MBNL2: variants seen among roughly 807,000 people sequenced by gnomAD.
MBNL2 encodes muscleblind like splicing regulator 2.
In MBNL2, 17 loss-of-function variants were observed where a neutral mutation model predicts 41.9. The ratio of observed to expected loss-of-function variants is 0.41; its 90% CI spans 0.28 to 0.61. MBNL2 has a LOEUF of 0.61. MBNL2 is among the 20% of genes least tolerant of loss of function. The pLI, the probability that MBNL2 is intolerant of heterozygous loss-of-function variation, is 0.35. For missense variants in MBNL2, 336 were observed against 505.6 expected, an observed-to-expected ratio of 0.66 and a Z score of 3.22; for synonymous variants, 195 against 182.9, an observed-to-expected ratio of 1.07 and a Z score of -0.53.
At chr13:97,271,066 A>G (rs907130468) in intron 1 of MBNL2, among the ~76,000 whole-genome samples, 2 of 151,416 alleles carry the variant, frequency 1.3e-5, no homozygotes, top group African/African-American at 4.9e-5. Flanking sequence ...TTTGCTGTAC[A>G]AGTGACTCTG....
intron 2 of MBNL2, among the ~76,000 whole-genome samples, chr13:97,291,572 C>G (rs2055984993): frequency 6.6e-6 from 1 of 152,110 alleles, no homozygotes; most frequent in South Asian, 2.1e-4. Flanking sequence ...ATCCCATCTC[C>G]ATTTGCTCTT....
upstream of MBNL2, among the ~76,000 whole-genome samples, chr13:97,221,013 A>G (rs1165153571): frequency 1.3e-5 from 2 of 152,254 alleles, no homozygotes; most frequent in Non-Finnish European, 2.9e-5. Context: ...CAAAGAATGT[A>G]AGTATAAAAA....
At chr13:97,267,491 G>C (rs2050053704) in intron 1 of MBNL2, among the ~76,000 whole-genome samples, 8 of 152,138 alleles carry the variant, frequency 5.3e-5, no homozygotes, top group Admixed American at 2.6e-4. Flanking sequence ...TTAAAGATGA[G>C]TCAAGCAGTG....
the MBNL2 span, among the ~76,000 whole-genome samples, chr13:97,150,785 A>G: frequency 2.6e-5 from 4 of 152,122 alleles, no homozygotes; most frequent in African/African-American, 9.7e-5. Flanking sequence ...AGTATTTGGG[A>G]TTACATCTGT....
At chr13:97,163,732 A>G in the MBNL2 span, among the ~76,000 whole-genome samples, 8 of 151,840 alleles carry the variant, frequency 5.3e-5, no homozygotes, top group Middle Eastern at 6.8e-3. Context: ...ACCTGCACAC[A>G]CTCTCAGCAA....
chr13:97,291,900 C>CAAAAAAAAAAAAAAAAAAAAA (rs763407208), intron 2 of MBNL2, among the ~76,000 whole-genome samples: 1 of 37,816 alleles, frequency 2.6e-5, no homozygotes, highest in African/African-American at 2.3e-4. Context: ...GTCTCCGTCT[C>CAAAAAAAAAAAAAAAAAAAAA]AAAAAAAAAA....
chr13:97,200,977 C>T, the MBNL2 span, among the ~76,000 whole-genome samples: 3 of 152,160 alleles, frequency 2.0e-5, no homozygotes, highest in African/African-American at 7.2e-5. Flanking sequence ...CATCAACTAT[C>T]TTTACCCTTT....
Position 97,389,228 on chromosome 13 carries a change from T to C in MBNL2, c.1049-2094T>C, listed in dbSNP as rs189788245. Among the ~76,000 whole-genome samples the C allele has an allele frequency of 1.7e-4, 26 of 152,308 alleles. No individual in the cohort carries two copies. In the East Asian group the frequency reaches 4.4e-3, roughly 26 times the overall value. ...TTATGTCTGTTCGTCAAATACAAGT[T>C]CAAAGCCTTGCCATAGGTAACTTCC... On this transcript the variant is annotated intron_variant, in intron 8 of 8. Coordinates refer to ENST00000679496, the MANE Select transcript of MBNL2 (RefSeq NM_001382683.1).
the MBNL2 span, among the ~76,000 whole-genome samples, chr13:97,171,907 GCT>G: frequency 6.6e-6 from 1 of 152,014 alleles, no homozygotes; most frequent in Non-Finnish European, 1.5e-5. Flanking sequence ...TTTTTGCTCG[GCT>G]CTCATTCTCT....
intron 8 of MBNL2, among the ~76,000 whole-genome samples, chr13:97,371,288 A>G (rs2064349275): frequency 6.6e-6 from 1 of 152,160 alleles, no homozygotes. Context: ...TTAAAATACA[A>G]TTTATACTCC....
the MBNL2 span, among the ~76,000 whole-genome samples, chr13:97,191,517 G>A: frequency 6.6e-6 from 1 of 151,758 alleles, no homozygotes; most frequent in Non-Finnish European, 1.5e-5. Context: ...AAAGTCCTGC[G>A]GCAGTTGTGT....
intron 1 of MBNL2, among the ~76,000 whole-genome samples, chr13:97,223,631 T>C (rs1205053963): frequency 6.6e-6 from 1 of 152,186 alleles, no homozygotes; most frequent in Non-Finnish European, 1.5e-5. Flanking sequence ...AAAGGTTAAG[T>C]GGAAAGCTAT....
intron 5 of MBNL2, among the ~76,000 whole-genome samples, chr13:97,355,055 A>G (rs1431664176): frequency 6.6e-6 from 1 of 152,236 alleles, no homozygotes; most frequent in African/African-American, 2.4e-5. Context: ...GATTCGAAAC[A>G]AAAATGGCAT....
At chr13:97,173,945 T>C in the MBNL2 span, among the ~76,000 whole-genome samples, 1 of 152,210 alleles carries the variant, frequency 6.6e-6, no homozygotes, top group Non-Finnish European at 1.5e-5. Context: ...TCATGTGCCG[T>C]AAAAATTTAT....
intron 2 of MBNL2, among the ~76,000 whole-genome samples, chr13:97,310,039 G>A (rs527479104): frequency 6.6e-6 from 1 of 152,342 alleles, no homozygotes; most frequent in African/African-American, 2.4e-5. Context: ...TGGAGGCCTA[G>A]GAGGGTGGTA....
intron 2 of MBNL2, among the ~76,000 whole-genome samples, chr13:97,287,564 G>C (rs1266901596): frequency 1.3e-5 from 2 of 151,970 alleles, no homozygotes; most frequent in Non-Finnish European, 2.9e-5. Context: ...TTATTGTTAA[G>C]TACAGTCATC....
intron 2 of MBNL2, among the ~76,000 whole-genome samples, chr13:97,313,889 G>A (rs1052873713): frequency 6.6e-6 from 1 of 152,200 alleles, no homozygotes; most frequent in Non-Finnish European, 1.5e-5. Flanking sequence ...ATCTGTATGA[G>A]ATCAGCAGTA....
At chr13:97,206,491 C>T in the MBNL2 span, among the ~76,000 whole-genome samples, 1 of 152,074 alleles carries the variant, frequency 6.6e-6, no homozygotes, top group Non-Finnish European at 1.5e-5. Flanking sequence ...GAGAAATAAG[C>T]TATGAATTGT....
At chr13:97,302,191 T>C (rs555232076) in intron 2 of MBNL2, among the ~76,000 whole-genome samples, 2 of 152,324 alleles carry the variant, frequency 1.3e-5, no homozygotes, top group South Asian at 4.1e-4. Context: ...TTTTACTCTC[T>C]GACCCAAGCC....
Sources: allele counts gnomAD v4.1 joint callset (sites outside exome capture counted in the v4.1 genomes callset), GRCh38; gene constraint gnomAD v4.1.1; transcripts MANE v1.5; gene names NCBI Gene and HGNC (gene_info 2026-07-23, HGNC 2026-07-21).